Variants in ALCAM observed in about 807,000 individuals in gnomAD.
ALCAM encodes activated leukocyte cell adhesion molecule.
A neutral mutation model predicts 70.9 loss-of-function variants in ALCAM; 30 were observed. The observed-to-expected ratio is 0.42, with a 90% CI of 0.32 to 0.57. The LOEUF (loss-of-function observed/expected upper bound fraction) is 0.57, where lower values mean the gene tolerates loss of function less well. Ranked by LOEUF, ALCAM falls within the 20% of genes least tolerant of loss-of-function variation. The pLI is 0.11. For missense variants in ALCAM, 591 were observed against 695.1 expected (o/e 0.85, Z 1.68); for synonymous variants, 249 against 242.5 (o/e 1.03, Z -0.25).
chr3:105,536,436 T>C (rs945673032), intron 6 of ALCAM, among the ~76,000 whole-genome samples: 2 of 152,178 alleles, frequency 1.3e-5, no homozygotes, highest in East Asian at 1.9e-4. Context: ...AAATAAACCA[T>C]ATTAGTGTAA....
At chr3:105,557,897 GT>G (rs1196486091) in intron 14 of ALCAM, among the ~76,000 whole-genome samples, 1 of 151,998 alleles carries the variant, frequency 6.6e-6, no homozygotes, top group Non-Finnish European at 1.5e-5. Context: ...AAATTCTAAG[GT>G]TATAAAATTG....
chr3:105,450,203 A>G (rs1002495033), intron 1 of ALCAM, among the ~76,000 whole-genome samples: 3 of 152,218 alleles, frequency 2.0e-5, no homozygotes, highest in Non-Finnish European at 4.4e-5. Context: ...GACTTAAATC[A>G]TGGGTTGAGT....
rs1470027806 is a variant in ALCAM at position 105,533,495 on chromosome 3, G to A, written c.460-108G>A. On this transcript the variant is annotated intron_variant, in intron 4 of 15. Coordinates refer to ENST00000306107, the MANE Select transcript of ALCAM (RefSeq NM_001627.4). ...CTTTGGTCAGTGTTGGAAAATAAAC[G>A]GGTCAAGAAACCCTTGGAATAACTC... 20 of 783,808 alleles carry A rather than the reference G, an allele frequency of 2.6e-5. 1 individual carries two copies. The South Asian group carries it at 2.6e-4, about 10-fold the overall frequency. 48.6% of individuals were successfully genotyped at this position (783,808 alleles called of 1,614,324 possible).
intron 3 of ALCAM, among the ~76,000 whole-genome samples, chr3:105,526,299 A>AC (rs1375031862): frequency 1.3e-5 from 2 of 152,148 alleles, no homozygotes; most frequent in African/African-American, 2.4e-5. Context: ...AAAAAAAAAA[A>AC]AAACATTAAG....
intron 1 of ALCAM, among the ~76,000 whole-genome samples, chr3:105,481,496 TA>T (rs1434385557): frequency 6.6e-6 from 1 of 152,154 alleles, no homozygotes; most frequent in Non-Finnish European, 1.5e-5. Flanking sequence ...GTCACCAAGT[TA>T]AAAATGTAAC....
Position 105,519,948 on chromosome 3 carries a change from A to G in ALCAM, c.74-119A>G, listed in dbSNP as rs149045255. The G allele has an allele frequency of 4.7e-4, 275 of 581,590 alleles. 2 individuals carry two copies. The East Asian group carries it at 7.9e-3, about 17-fold the overall frequency. The allele number at this position is 581,590 out of a possible 1,614,324, so 36.0% of individuals were successfully genotyped here. On this transcript the variant is annotated intron_variant, in intron 1 of 15. Coordinates refer to ENST00000306107, the MANE Select transcript of ALCAM (RefSeq NM_001627.4). The stretch of plus-strand genomic sequence containing the variant: ...TTTGTATACCATTTAAAATAAAACT[A>G]TAGCAGATGACAACCTTCATCGACA...
chr3:105,568,715 C>T (rs1163954169), intron 14 of ALCAM, among the ~76,000 whole-genome samples: 1 of 152,202 alleles, frequency 6.6e-6, no homozygotes, highest in Non-Finnish European at 1.5e-5. Context: ...TTAGACCATG[C>T]CTCCCAAGCT....
At chr3:105,385,089 G>A (rs547874547) in intron 1 of ALCAM, among the ~76,000 whole-genome samples, 1 of 151,658 alleles carries the variant, frequency 6.6e-6, no homozygotes, top group Admixed American at 6.6e-5. Flanking sequence ...TTCTTGGCAT[G>A]TAATCTAGGC....
chr3:105,474,771 T>C (rs1938053170), intron 1 of ALCAM, among the ~76,000 whole-genome samples: 1 of 151,776 alleles, frequency 6.6e-6, no homozygotes, highest in Non-Finnish European at 1.5e-5. Context: ...AATTTAAATG[T>C]TTAATAGTTT....
chr3:105,463,333 C>T (rs1437200771), intron 1 of ALCAM, among the ~76,000 whole-genome samples: 1 of 151,386 alleles, frequency 6.6e-6, no homozygotes, highest in Non-Finnish European at 1.5e-5. Context: ...ATTTTACAGC[C>T]TGCTCTGATG....
At chr3:105,474,198 C>T (rs1938028942) in intron 1 of ALCAM, among the ~76,000 whole-genome samples, 1 of 151,682 alleles carries the variant, frequency 6.6e-6, no homozygotes, top group South Asian at 2.1e-4. Context: ...GACTTTGTTA[C>T]AAGAATTTTG....
At chr3:105,397,545 A>G (rs1935986498) in intron 1 of ALCAM, among the ~76,000 whole-genome samples, 1 of 151,946 alleles carries the variant, frequency 6.6e-6, no homozygotes, top group South Asian at 2.1e-4. Flanking sequence ...TTAACATAAC[A>G]TAATATATTC....
chr3:105,370,058 G>C (rs953342412), intron 1 of ALCAM, among the ~76,000 whole-genome samples: 3 of 152,214 alleles, frequency 2.0e-5, no homozygotes, highest in Admixed American at 6.5e-5. Context: ...TGGGTCATCT[G>C]TATGAACCCC....
chr3:105,491,871 C>A (rs1230881174), intron 1 of ALCAM, among the ~76,000 whole-genome samples: 2 of 152,204 alleles, frequency 1.3e-5, no homozygotes, highest in East Asian at 1.9e-4. Flanking sequence ...TCTGAACCCC[C>A]CAAATGGTTC....
At position 105,547,137 on chromosome 3, in the gene ALCAM, T is replaced by C; in HGVS notation, c.1105-12T>C. The C allele has an allele frequency of 6.5e-7, 1 of 1,532,866 alleles. No individual in the cohort carries two copies. Among genetic ancestry groups the C allele is most frequent in the Non-Finnish European group, 8.8e-7 (1 of 1,141,640 alleles). The allele number at this position is 1,532,866 out of a possible 1,614,324, so 95.0% of individuals were successfully genotyped here. The stretch of plus-strand genomic sequence containing the variant: ...TCTGCCACATGAGGTAATTTACTTT[T>C]TATTTAATCAGGATAACATCAGGCT... On this transcript the variant is annotated splice_polypyrimidine_tract_variant and intron_variant, in intron 9 of 15. Coordinates refer to ENST00000306107, the MANE Select transcript of ALCAM (RefSeq NM_001627.4).
chr3:105,469,236 G>GT (rs1937847061), intron 1 of ALCAM, among the ~76,000 whole-genome samples: 1 of 151,262 alleles, frequency 6.6e-6, no homozygotes, highest in Non-Finnish European at 1.5e-5. Context: ...GACCACTGCG[G>GT]TAGGCAGCAG....
At chr3:105,426,884 A>AT (rs761429403) in intron 1 of ALCAM, among the ~76,000 whole-genome samples, 29 of 151,704 alleles carry the variant, frequency 1.9e-4, no homozygotes, top group East Asian at 3.9e-4. Context: ...CTTATTTTCA[A>AT]TTTTTTTTAT....
intron 1 of ALCAM, among the ~76,000 whole-genome samples, chr3:105,422,408 A>AT (rs148048163): frequency 5.3e-5 from 8 of 150,806 alleles, no homozygotes; most frequent in East Asian, 1.9e-4. Flanking sequence ...TCAGGCAGAA[A>AT]TTTTTTTTTA....
At position 105,452,673 on chromosome 3, in the gene ALCAM, TA is replaced by T. The variant is rs1937462184; in HGVS notation, c.74-67393del. ...ATACTGTCTTCCACAATGGCTGAACTAGTTTACATTCCCACCAACAGTATAA... is the reference window on the plus strand; with the variant it reads ...ATACTGTCTTCCACAATGGCTGAACTGTTTACATTCCCACCAACAGTATAA... On this transcript the variant is annotated intron_variant, in intron 1 of 15. Transcript: ENST00000306107. Among the ~76,000 whole-genome samples, 8 of 152,326 alleles carry T rather than the reference TA, an allele frequency of 5.3e-5. 1 individual carries two copies. The South Asian group carries it at 1.7e-3, about 32-fold the overall frequency.
Sources: gnomAD v4.1 joint callset for allele counts (sites outside exome capture counted in the v4.1 genomes callset) on GRCh38, gnomAD v4.1.1 for gene constraint, MANE v1.5 for transcripts, NCBI Gene and HGNC (gene_info 2026-07-23, HGNC 2026-07-21) for gene names.